The following ANKS1B variants were observed in gnomAD, a reference collection of about 807,000 sequenced individuals.
ANKS1B encodes the protein ankyrin repeat and sterile alpha motif domain containing 1B, also known as ankyrin repeat and sterile alpha motif domain-containing protein 1B.
Under a neutral mutation model 148.3 loss-of-function variants are expected in ANKS1B, and 36 were observed. The observed-to-expected ratio is 0.24, with a 90% CI of 0.19 to 0.32. The LOEUF (loss-of-function observed/expected upper bound fraction) is 0.32. ANKS1B is among the 10% of genes least tolerant of loss of function. The probability of loss-of-function intolerance (pLI) is 1.00; values close to 1 mark genes in which losing one functional copy is unlikely to be tolerated. For synonymous variants in ANKS1B, 542 were observed against 560.8 expected (o/e 0.97, Z 0.47); for missense variants, 1,157 against 1,542.6 (o/e 0.75, Z 4.19).
intron 14 of ANKS1B, among the ~76,000 whole-genome samples, chr12:99,174,549 T>C (rs1049905563): frequency 4.6e-5 from 7 of 152,120 alleles, no homozygotes; most frequent in Admixed American, 3.9e-4. Flanking sequence ...TTAGGGTCTC[T>C]CTCCCTCTGC....
intron 9 of ANKS1B, among the ~76,000 whole-genome samples, chr12:99,612,415 G>A (rs1305421750): frequency 3.3e-5 from 5 of 152,028 alleles, no homozygotes; most frequent in Non-Finnish European, 7.4e-5. Flanking sequence ...ACATCTCCAT[G>A]AAATAGTACT....
intron 17 of ANKS1B, 131 bp downstream of exon 17, chr12:99,053,026 G>A: frequency 1.2e-6 from 1 of 801,234 alleles, no homozygotes; most frequent in Non-Finnish European, 1.8e-6. Context: ...GAGCTTGAGA[G>A]AGATCGATAT....
chr12:98,739,283 C>G (rs146756691), downstream of ANKS1B, among the ~76,000 whole-genome samples: 2 of 152,204 alleles, frequency 1.3e-5, no homozygotes, highest in African/African-American at 4.8e-5. Flanking sequence ...ACTAAGCTCT[C>G]GGAGAAGGCA....
intron 14 of ANKS1B, among the ~76,000 whole-genome samples, chr12:99,234,985 T>C (rs1407440545): frequency 6.6e-6 from 1 of 152,132 alleles, no homozygotes; most frequent in Non-Finnish European, 1.5e-5. Context: ...TAGTGTGTGA[T>C]GAAGAGGTAA....
rs71305587 is a variant in ANKS1B at position 98,745,375 on chromosome 12, C to CTT, written c.*362_*363dup. On this transcript the variant is annotated 3_prime_UTR_variant, in exon 27 of 27. Coordinates refer to ENST00000683438, the MANE Select transcript of ANKS1B (RefSeq NM_001352186.2). ...TAGGCAGTATTAGAGATCCCCTTTA[C>CTT]TTTTTTTTTTTTTTTTTTTTTTTTA... The CTT allele has an allele frequency of 0.027, 24,137 of 890,922 alleles. 5 individuals carry two copies. Among genetic ancestry groups the CTT allele is most frequent in the Non-Finnish European group, 0.03 (22,809 of 771,144 alleles). The allele number at this position is 890,922 out of a possible 1,614,324, so 55.2% of individuals were successfully genotyped here.
At chr12:99,641,136 C>G (rs1330563336) in intron 9 of ANKS1B, among the ~76,000 whole-genome samples, 1 of 152,154 alleles carries the variant, frequency 6.6e-6, no homozygotes, top group Non-Finnish European at 1.5e-5. Context: ...TACTGCCAAT[C>G]CTACCAAAAC....
chr12:99,659,271 T>A (rs1366047278), intron 8 of ANKS1B, among the ~76,000 whole-genome samples: 1 of 152,128 alleles, frequency 6.6e-6, no homozygotes, highest in African/African-American at 2.4e-5. Context: ...TAATCTTCAA[T>A]TATATATGGG....
chr12:99,478,136 T>C (rs1156314969), intron 10 of ANKS1B, among the ~76,000 whole-genome samples: 3 of 152,122 alleles, frequency 2.0e-5, no homozygotes, highest in Non-Finnish European at 4.4e-5. Context: ...GTTCCATTTG[T>C]AAAACAAAAG....
chr12:99,899,056 G>C (rs1218615122), intron 1 of ANKS1B, among the ~76,000 whole-genome samples: 1 of 152,158 alleles, frequency 6.6e-6, no homozygotes, highest in Non-Finnish European at 1.5e-5. Flanking sequence ...GATAATAACA[G>C]TGATGATAAT....
chr12:99,908,930 G>C (rs2093895628), intron 1 of ANKS1B, among the ~76,000 whole-genome samples: 2 of 152,010 alleles, frequency 1.3e-5, no homozygotes, highest in African/African-American at 4.8e-5. Flanking sequence ...CTCTAGACAT[G>C]CTGTACATTG....
At chr12:98,851,933 A>G (rs2099529476) in intron 17 of ANKS1B, among the ~76,000 whole-genome samples, 1 of 146,970 alleles carries the variant, frequency 6.8e-6, no homozygotes, top group Admixed American at 7.0e-5. Context: ...CTGAAGCAGC[A>G]GAATTGCTTG....
chr12:99,348,714 G>A (rs530400129), intron 12 of ANKS1B, among the ~76,000 whole-genome samples: 11 of 151,948 alleles, frequency 7.2e-5, no homozygotes, highest in African/African-American at 2.6e-4. Context: ...AAAGATGAAG[G>A]AGAAATTTAG....
At chr12:99,822,080 T>C (rs1004156998) in intron 2 of ANKS1B, among the ~76,000 whole-genome samples, 6 of 152,072 alleles carry the variant, frequency 3.9e-5, no homozygotes, top group African/African-American at 1.2e-4. Flanking sequence ...GTAACTCAAA[T>C]GATTCTCTAA....
intron 8 of ANKS1B, among the ~76,000 whole-genome samples, chr12:99,726,359 T>C (rs1363705957): frequency 6.6e-6 from 1 of 152,166 alleles, no homozygotes; most frequent in Non-Finnish European, 1.5e-5. Flanking sequence ...TAAACACCTC[T>C]ATGCAAATAA....
intron 4 of ANKS1B, among the ~76,000 whole-genome samples, chr12:99,796,912 G>T (rs1303411971): frequency 6.6e-6 from 1 of 151,872 alleles, no homozygotes; most frequent in East Asian, 1.9e-4. Flanking sequence ...AATAAAAACA[G>T]AAAAGGTTAG....
intron 4 of ANKS1B, among the ~76,000 whole-genome samples, chr12:99,802,992 A>G (rs2067145956): frequency 6.6e-6 from 1 of 152,102 alleles, no homozygotes; most frequent in Non-Finnish European, 1.5e-5. Context: ...GCCATCTATA[A>G]GTTTTAAAGA....
At chr12:99,052,910 C>G (rs1216336316) in intron 17 of ANKS1B, among the ~76,000 whole-genome samples, 1 of 151,762 alleles carries the variant, frequency 6.6e-6, no homozygotes, top group African/African-American at 2.4e-5. Flanking sequence ...AAAAGGAGAA[C>G]ACAAAAATGC....
chr12:99,366,168 A>G (rs2092755529), intron 12 of ANKS1B, among the ~76,000 whole-genome samples: 1 of 152,232 alleles, frequency 6.6e-6, no homozygotes, highest in African/African-American at 2.4e-5. Context: ...GCACTTGTGC[A>G]AGACTGGAAG....
chr12:99,951,638 G>T (rs1362022742), intron 1 of ANKS1B, among the ~76,000 whole-genome samples: 3 of 152,050 alleles, frequency 2.0e-5, no homozygotes, highest in Non-Finnish European at 4.4e-5. Context: ...ACTCTGGGAG[G>T]CTGAAGCAGG....
Sources: gnomAD v4.1 joint callset for allele counts (sites outside exome capture counted in the v4.1 genomes callset) on GRCh38, gnomAD v4.1.1 for gene constraint, MANE v1.5 for transcripts, NCBI Gene and HGNC (gene_info 2026-07-23, HGNC 2026-07-21) for gene names.